Variants in CPA5 observed in about 807,000 individuals in gnomAD.
CPA5 encodes the protein testicular tissue protein Li 32.
A neutral mutation model predicts 52.2 loss-of-function variants in CPA5; 38 were observed. The ratio of observed to expected loss-of-function variants is 0.73; its 90% CI spans 0.56 to 0.95. The LOEUF (loss-of-function observed/expected upper bound fraction) is 0.95. CPA5 is among the 40% of genes least tolerant of loss of function. The probability of loss-of-function intolerance (pLI) is 0.00; values close to 1 mark genes in which losing one functional copy is unlikely to be tolerated. For synonymous variants in CPA5, 198 were observed against 213.7 expected (o/e 0.93, Z 0.64); for missense variants, 519 against 566.7 (o/e 0.92, Z 0.86).
chr7:130,370,908 C>T (rs1170638972), downstream of CPA5, among the ~76,000 whole-genome samples: 7 of 152,250 alleles, frequency 4.6e-5, no homozygotes, highest in African/African-American at 1.4e-4. Flanking sequence ...ATATTCCAGT[C>T]TTCCGGGGGG....
At chr7:130,354,702 C>T (rs782037140) in intron 5 of CPA5, among the ~76,000 whole-genome samples, 4 of 152,088 alleles carry the variant, frequency 2.6e-5, no homozygotes, top group Admixed American at 1.3e-4. Flanking sequence ...GCGTGAACCA[C>T]GAGAGGTTTT....
intron 3 of CPA5, among the ~76,000 whole-genome samples, chr7:130,346,899 G>A (rs73152847): frequency 0.21 from 32,037 of 152,062 alleles, 4,222 homozygotes; most frequent in South Asian, 0.36. Flanking sequence ...GGGCTTCTTC[G>A]GGGAGGATGC....
Position 130,363,594 on chromosome 7 carries a change from A to T in CPA5, c.838+85A>T, listed in dbSNP as rs924163377. The T allele has an allele frequency of 1.0e-5, 12 of 1,168,992 alleles. No individual in the cohort carries two copies. The East Asian group carries it at 2.8e-4, about 27-fold the overall frequency. The allele number at this position is 1,168,992 out of a possible 1,614,324, so 72.4% of individuals were successfully genotyped here. A position where few individuals can be genotyped will look rare whatever the true frequency, so the allele number is the denominator to read the frequency against. On this transcript the variant is annotated intron_variant, in intron 10 of 12. Coordinates refer to ENST00000474905, the MANE Select transcript of CPA5 (RefSeq NM_080385.5). The stretch of plus-strand genomic sequence containing the variant: ...TCTCCCACTCAGTCAGATTATGTTG[A>T]CTCAACTTGGGAGGCATGGGACAAT...
downstream of CPA5, among the ~76,000 whole-genome samples, chr7:130,369,046 GA>G (rs1796254750): frequency 6.6e-6 from 1 of 152,190 alleles, no homozygotes; most frequent in African/African-American, 2.4e-5. Flanking sequence ...GGTTGGCCCA[GA>G]CAGGCCACCT....
chr7:130,354,841 T>C (rs767125359), intron 5 of CPA5, among the ~76,000 whole-genome samples: 2 of 152,204 alleles, frequency 1.3e-5, no homozygotes, highest in Admixed American at 6.5e-5. Flanking sequence ...GAGATCCTCC[T>C]GCCTCAGCCT....
chr7:130,354,146 T>C (rs1554404683), intron 5 of CPA5, among the ~76,000 whole-genome samples: 3 of 152,138 alleles, frequency 2.0e-5, no homozygotes, highest in Non-Finnish European at 4.4e-5. Context: ...CAGGCTGCTC[T>C]TGAACTCCTG....
At chr7:130,366,740 G>C (rs1300704645) in intron 10 of CPA5, among the ~76,000 whole-genome samples, 12 of 152,194 alleles carry the variant, frequency 7.9e-5, no homozygotes, top group African/African-American at 2.7e-4. Context: ...CACCGAGTCT[G>C]AGCCCTCAAC....
At chr7:130,374,455 C>T in the CPA5 span, among the ~76,000 whole-genome samples, 5 of 152,314 alleles carry the variant, frequency 3.3e-5, no homozygotes, top group African/African-American at 9.6e-5. Flanking sequence ...CCAAGCTCTG[C>T]GGCTCTCCCT....
chr7:130,347,947 T>A, intron 4 of CPA5, 100 bp downstream of exon 4: 1 of 865,054 alleles, frequency 1.2e-6, no homozygotes, highest in Non-Finnish European at 1.9e-6. Context: ...CCTGCCCTCC[T>A]GAGGTCCCTG....
chr7:130,353,718 G>T (rs1187748162), intron 5 of CPA5, among the ~76,000 whole-genome samples: 1 of 152,046 alleles, frequency 6.6e-6, no homozygotes, highest in Non-Finnish European at 1.5e-5. Context: ...GCGCCATCTC[G>T]TCCCTCACCT....
At position 130,344,854 on chromosome 7, in the gene CPA5, C is replaced by G. The variant is rs1794641745; in HGVS notation, c.-503C>G. ...TCTCTCTTTTACTCTTATTCTTTCTCTCTCACTCTCTCTCTTTTCCCACCC... is the reference window on the plus strand; with the variant it reads ...TCTCTCTTTTACTCTTATTCTTTCTGTCTCACTCTCTCTCTTTTCCCACCC... On this transcript the variant is annotated 5_prime_UTR_variant, in exon 1 of 13. Transcript: ENST00000474905. 6.6e-6 allele frequency: 1 copy of G among 152,116 alleles called. No individual in the cohort carries two copies. Among genetic ancestry groups the G allele is most frequent in the South Asian group, 2.1e-4 (1 of 4,820 alleles). The allele number at this position is 152,116 out of a possible 1,614,324, so 9.4% of individuals were successfully genotyped here.
downstream of CPA5, among the ~76,000 whole-genome samples, chr7:130,373,260 C>T (rs10240066): frequency 2.6e-5 from 4 of 151,336 alleles, no homozygotes; most frequent in Non-Finnish European, 1.5e-5. Context: ...ACAGCAGCTC[C>T]GTTTTTCAAC....
In CPA5 at chr7:130,346,475, G is replaced by A. The variant is rs781933897; in HGVS notation, c.-11G>A. On this transcript the variant is annotated 5_prime_UTR_variant, in exon 3 of 13. Coordinates refer to ENST00000474905, the MANE Select transcript of CPA5 (RefSeq NM_080385.5). ...AAGGAAAGCCCCTGAAGCTCACCAG[G>A]AGGAAGAAGCATGCAGGGCACCCCT... 6.2e-7 allele frequency: 1 copy of A among 1,600,988 alleles called. No homozygotes were observed. The highest frequency in any genetic ancestry group is 8.5e-7 in the Non-Finnish European group (1 of 1,169,666).
At chr7:130,367,285 T>C (rs919981774) in intron 10 of CPA5, 87 bp from the exon 11 acceptor site, 4 of 1,177,864 alleles carry the variant, frequency 3.4e-6, no homozygotes, top group Non-Finnish European at 5.0e-6. Context: ...GGCTGGGAAA[T>C]GTAGGGGAAC....
Position 130,363,381 on chromosome 7 carries a change from G to GC in CPA5, c.748-35dup, listed in dbSNP as rs782119552. Reference sequence around the variant, plus strand: ...CAGAGGCTCCCATCCCTGGGAATGGGCCCAGTGAATGAGGTCACCTGTCCT... The same window carrying GC: ...CAGAGGCTCCCATCCCTGGGAATGGGCCCCAGTGAATGAGGTCACCTGTCCT... On this transcript the variant is annotated intron_variant, in intron 9 of 12. Transcript: ENST00000474905. 4 of 1,520,756 alleles carry GC rather than the reference G, an allele frequency of 2.6e-6. No individual in the cohort carries two copies. In the East Asian group the frequency reaches 9.7e-5, roughly 37 times the overall value. The allele number at this position is 1,520,756 out of a possible 1,614,324, so 94.2% of individuals were successfully genotyped here.
At chr7:130,357,995 T>TGTGTGTGTGTAG (rs1795583379) in intron 5 of CPA5, among the ~76,000 whole-genome samples, 1 of 148,828 alleles carries the variant, frequency 6.7e-6, no homozygotes, top group African/African-American at 2.5e-5. Context: ...TGTGTGTGTT[T>TGTGTGTGTGTAG]AGAAATAGGG....
downstream of CPA5, among the ~76,000 whole-genome samples, chr7:130,371,176 C>T (rs1022971543): frequency 1.6e-4 from 25 of 152,372 alleles, 1 homozygote; most frequent in Non-Finnish European, 3.1e-4. Context: ...GGGCAGGAGG[C>T]CTTGGGCTCT....
At chr7:130,366,354 T>C (rs1405234042) in intron 10 of CPA5, among the ~76,000 whole-genome samples, 1 of 152,092 alleles carries the variant, frequency 6.6e-6, no homozygotes, top group Non-Finnish European at 1.5e-5. Flanking sequence ...GAGGAGAAAC[T>C]GGGATGACTC....
At chr7:130,367,327 G>C (rs375726205) in intron 10 of CPA5, 45 bp from the exon 11 acceptor site, 1 of 1,559,486 alleles carries the variant, frequency 6.4e-7, no homozygotes, top group Non-Finnish European at 8.8e-7. Flanking sequence ...CGTCTGTGTC[G>C]CACGTGGGGA....
Sources: allele counts gnomAD v4.1 joint callset (sites outside exome capture counted in the v4.1 genomes callset), GRCh38; gene constraint gnomAD v4.1.1; transcripts MANE v1.5; gene names NCBI Gene and HGNC (gene_info 2026-07-23, HGNC 2026-07-21).